Variants in PDE1A observed in about 807,000 individuals in gnomAD.
PDE1A encodes phosphodiesterase 1A.
In PDE1A, 35 loss-of-function variants were observed where a neutral mutation model predicts 61.7. The ratio of observed to expected loss-of-function variants is 0.57; its 90% CI spans 0.43 to 0.75. PDE1A has a LOEUF of 0.75. Ranked by LOEUF, PDE1A falls within the 30% of genes least tolerant of loss-of-function variation. PDE1A has a pLI of 0.00. For synonymous variants in PDE1A, 232 were observed against 213.2 expected (o/e 1.09, Z -0.77); for missense variants, 597 against 630.6 (o/e 0.95, Z 0.57).
At chr2:182,200,026 A>G (rs1466186650) in intron 10 of PDE1A, among the ~76,000 whole-genome samples, 1 of 152,184 alleles carries the variant, frequency 6.6e-6, no homozygotes, top group Non-Finnish European at 1.5e-5. Flanking sequence ...ATAGTAATAT[A>G]TTTGGTGTTT....
At chr2:182,487,379 C>A (rs766151408) in intron 2 of PDE1A, among the ~76,000 whole-genome samples, 8 of 152,122 alleles carry the variant, frequency 5.3e-5, no homozygotes, top group Non-Finnish European at 1.0e-4. Context: ...TAAACCAACA[C>A]TTACTTTTGG....
intron 1 of PDE1A, among the ~76,000 whole-genome samples, chr2:182,424,630 G>A (rs187689097): frequency 6.6e-6 from 1 of 152,198 alleles, no homozygotes; most frequent in African/African-American, 2.4e-5. Context: ...CCCACTGCCA[G>A]CTTCCCTAAA....
intron 11 of PDE1A, among the ~76,000 whole-genome samples, chr2:182,187,996 G>A (rs1296749047): frequency 6.6e-6 from 1 of 152,018 alleles, no homozygotes; most frequent in Non-Finnish European, 1.5e-5. Flanking sequence ...ACCTGCCTCG[G>A]CCTCCCAAAG....
At chr2:182,211,096 G>C (rs1369644213) in intron 7 of PDE1A, among the ~76,000 whole-genome samples, 1 of 152,060 alleles carries the variant, frequency 6.6e-6, no homozygotes, top group East Asian at 1.9e-4. Context: ...TATTTATCAG[G>C]ATAGAACACT....
chr2:182,322,489 T>A (rs1411707293), intron 1 of PDE1A, among the ~76,000 whole-genome samples: 1 of 152,202 alleles, frequency 6.6e-6, no homozygotes, highest in African/African-American at 2.4e-5. Context: ...CCTGCCGCCA[T>A]GTAAGATGTG....
At chr2:182,672,182 A>C in the PDE1A span, among the ~76,000 whole-genome samples, 1 of 152,220 alleles carries the variant, frequency 6.6e-6, no homozygotes, top group East Asian at 1.9e-4. Context: ...CTAGTTAAAC[A>C]CTTGAATAGT....
chr2:182,230,127 A>G, exon 6 of PDE1A: 1 of 1,612,290 alleles, frequency 6.2e-7, no homozygotes, highest in Non-Finnish European at 8.5e-7. Context: ...TGCAAAGGTG[A>G]TTAGGCAAGA....
intron 1 of PDE1A, among the ~76,000 whole-genome samples, chr2:182,419,748 T>G (rs1172815845): frequency 6.6e-6 from 1 of 152,188 alleles, no homozygotes; most frequent in Non-Finnish European, 1.5e-5. Flanking sequence ...AGTGTTTTAG[T>G]GTTTTTTAAA....
At chr2:182,242,141 C>T (rs1448582580) in intron 2 of PDE1A, 2 of 1,138,216 alleles carry the variant, frequency 1.8e-6, no homozygotes, top group African/African-American at 1.6e-5. Context: ...CTTAGAATGA[C>T]AGAAACCTGG....
chr2:182,427,883 T>C (rs190247391), upstream of PDE1A, among the ~76,000 whole-genome samples: 2 of 152,266 alleles, frequency 1.3e-5, no homozygotes, highest in African/African-American at 4.8e-5. Flanking sequence ...GTTTTTAATA[T>C]ATACATGTAA....
At chr2:182,559,940 G>T in the PDE1A span, among the ~76,000 whole-genome samples, 6 of 151,964 alleles carry the variant, frequency 3.9e-5, no homozygotes, top group Non-Finnish European at 1.5e-5. Context: ...TAAGAGACAG[G>T]ATAAGGGTTA....
chr2:182,534,040 A>C, the PDE1A span, among the ~76,000 whole-genome samples: 1 of 152,066 alleles, frequency 6.6e-6, no homozygotes, highest in Non-Finnish European at 1.5e-5. Flanking sequence ...AGTATCAAAA[A>C]ATGCAAAGTA....
At chr2:182,401,889 CAGAG>C (rs1702018622) in intron 1 of PDE1A, among the ~76,000 whole-genome samples, 1 of 152,136 alleles carries the variant, frequency 6.6e-6, no homozygotes, top group Admixed American at 6.5e-5. Context: ...AACAGACAAA[CAGAG>C]AGCCAAATCA....
chr2:182,165,942 G>A (rs932015562), downstream of PDE1A, among the ~76,000 whole-genome samples: 1 of 152,144 alleles, frequency 6.6e-6, no homozygotes, highest in African/African-American at 2.4e-5. Context: ...AGTTGCAGGA[G>A]ATCAGAAGAG....
chr2:182,690,309 G>A, the PDE1A span, among the ~76,000 whole-genome samples: 24 of 152,174 alleles, frequency 1.6e-4, no homozygotes, highest in East Asian at 1.7e-3. Context: ...AATCCAGCAC[G>A]ACATCAAAAA....
the PDE1A span, among the ~76,000 whole-genome samples, chr2:182,610,446 G>C: frequency 1.3e-5 from 2 of 152,074 alleles, no homozygotes; most frequent in Admixed American, 6.5e-5. Context: ...GCTCTCTGCG[G>C]TTGAGGCAAT....
At chr2:182,154,380 C>T (rs530896961) in intron 13 of PDE1A, among the ~76,000 whole-genome samples, 4 of 152,264 alleles carry the variant, frequency 2.6e-5, no homozygotes, top group Admixed American at 6.5e-5. Context: ...TAGATATATA[C>T]GTGTCAAATA....
At chr2:182,262,162 C>T (rs1190229832) in intron 2 of PDE1A, among the ~76,000 whole-genome samples, 1 of 149,148 alleles carries the variant, frequency 6.7e-6, no homozygotes, top group Admixed American at 6.7e-5. Context: ...TTCTTTCTTT[C>T]TCTTCTTTCT....
chr2:182,490,934 T>C (rs1406755713), intron 2 of PDE1A, among the ~76,000 whole-genome samples: 2 of 152,146 alleles, frequency 1.3e-5, no homozygotes, highest in African/African-American at 2.4e-5. Flanking sequence ...GGGCTCTTTT[T>C]AGTAATTCAC....
Sources: gnomAD v4.1 joint callset for allele counts (sites outside exome capture counted in the v4.1 genomes callset) on GRCh38, gnomAD v4.1.1 for gene constraint, MANE v1.5 for transcripts, NCBI Gene and HGNC (gene_info 2026-07-23, HGNC 2026-07-21) for gene names.